RBFOX1: variants seen among roughly 807,000 people sequenced by gnomAD.
RBFOX1 encodes the protein RNA binding fox-1 homolog 1.
Under a neutral mutation model 57.7 loss-of-function variants are expected in RBFOX1, and 8 were observed. The observed-to-expected ratio is 0.14, with a 90% confidence interval of 0.08 to 0.25. The LOEUF (loss-of-function observed/expected upper bound fraction) is 0.25, where lower values mean the gene tolerates loss of function less well. RBFOX1 is among the 10% of genes least tolerant of loss of function. The probability of loss-of-function intolerance (pLI) is 1.00; values close to 1 mark genes in which losing one functional copy is unlikely to be tolerated. For missense variants in RBFOX1, 611 were observed against 548.5 expected (o/e 1.11, Z -1.14); for synonymous variants, 326 against 222.4 (o/e 1.47, Z -4.15).
chr16:6,342,617 G>C (rs1188865874), intron 2 of RBFOX1, among the ~76,000 whole-genome samples: 1 of 152,140 alleles, frequency 6.6e-6, no homozygotes, highest in African/African-American at 2.4e-5. Context: ...ATGTCTATTA[G>C]AGAGTTAGGT....
intron 1 of RBFOX1, among the ~76,000 whole-genome samples, chr16:6,042,480 C>T (rs1036473253): frequency 2.0e-5 from 3 of 152,124 alleles, no homozygotes; most frequent in Non-Finnish European, 2.9e-5. Flanking sequence ...ATCTTTAGGT[C>T]AGCTGCTTAG....
rs569404492 is a variant in RBFOX1, at chr16:5,551,962, A to G, written c.259-46940A>G. 1.4e-4 allele frequency among the ~76,000 whole-genome samples: 21 copies of G among 152,318 alleles called. No homozygotes were observed. In the East Asian group the frequency reaches 4.0e-3, roughly 29 times the overall value. ...AGCTTCATCCGTGTCCCTGCAAAGG[A>G]CATGAACTCATTCTTTTTTATGCTC... On this transcript the variant is annotated intron_variant, in intron 2 of 2. Transcript: ENST00000585867.
rs562445900 is a variant in RBFOX1 at position 6,914,730 on chromosome 16, C to G, written c.-15-137327C>G. 5.3e-5 allele frequency among the ~76,000 whole-genome samples: 8 copies of G among 152,218 alleles called. No homozygotes were observed. In the South Asian group the frequency reaches 6.2e-4, roughly 12 times the overall value. ...CTGTACCAATAAGCTGAAAATTAAC[C>G]TGGCATGGTGGTGTGCACCTGTAGT... On this transcript the variant is annotated intron_variant, in intron 3 of 15. Coordinates refer to ENST00000550418, the MANE Select transcript of RBFOX1 (RefSeq NM_018723.4).
At chr16:7,330,269 T>G (rs1445682098) in intron 4 of RBFOX1, among the ~76,000 whole-genome samples, 1 of 152,130 alleles carries the variant, frequency 6.6e-6, no homozygotes, top group African/African-American at 2.4e-5. Flanking sequence ...TAAATCGTCT[T>G]TAGATTACTT....
At chr16:6,899,022 T>TATAA (rs1488667263) in intron 3 of RBFOX1, among the ~76,000 whole-genome samples, 1 of 140,834 alleles carries the variant, frequency 7.1e-6, no homozygotes, top group African/African-American at 2.9e-5. Flanking sequence ...CGCGTCTCTG[T>TATAA]GTGTGTGTAT....
chr16:7,102,905 G>T (rs56091770), intron 4 of RBFOX1, among the ~76,000 whole-genome samples: 2,556 of 152,148 alleles, frequency 0.017, 75 homozygotes, highest in African/African-American at 0.059. Context: ...CAAGTATATT[G>T]TGAGTATTGG....
At chr16:6,146,611 G>A (rs1237422448) in intron 1 of RBFOX1, among the ~76,000 whole-genome samples, 1 of 152,144 alleles carries the variant, frequency 6.6e-6, no homozygotes, top group Non-Finnish European at 1.5e-5. Context: ...GTTTTCACAA[G>A]TGTAAAATAT....
intron 3 of RBFOX1, among the ~76,000 whole-genome samples, chr16:5,829,316 T>G (rs1450328626): frequency 6.6e-6 from 1 of 151,330 alleles, no homozygotes; most frequent in Non-Finnish European, 1.5e-5. Context: ...AGCAGGGGAG[T>G]CACATGATGA....
At chr16:5,620,879 C>T (rs955915777) in intron 3 of RBFOX1, among the ~76,000 whole-genome samples, 1 of 152,016 alleles carries the variant, frequency 6.6e-6, no homozygotes, top group South Asian at 2.1e-4. Context: ...GTTGCTCTGT[C>T]CCCCAGGCTG....
intron 4 of RBFOX1, among the ~76,000 whole-genome samples, chr16:7,369,038 A>T (rs1446732430): frequency 4.6e-5 from 7 of 152,068 alleles, no homozygotes. Context: ...GATGGTGAAG[A>T]GATAGCATGG....
chr16:7,613,396 G>T (rs368178044), intron 10 of RBFOX1, among the ~76,000 whole-genome samples: 17 of 152,148 alleles, frequency 1.1e-4, no homozygotes, highest in African/African-American at 4.1e-4. Context: ...GAACATCACA[G>T]ACTGTAAAAT....
At chr16:6,858,972 C>T (rs1248463029) in intron 3 of RBFOX1, among the ~76,000 whole-genome samples, 1 of 151,368 alleles carries the variant, frequency 6.6e-6, no homozygotes, top group Non-Finnish European at 1.5e-5. Context: ...GGTAAAAACA[C>T]ATGTACACAT....
chr16:6,153,223 T>C lies in RBFOX1; in HGVS notation c.-127+133231T>C, dbSNP rs1188724108. Among the ~76,000 whole-genome samples the C allele has an allele frequency of 3.3e-5, 5 of 152,170 alleles. No homozygotes were observed. In the East Asian group the frequency reaches 9.7e-4, roughly 29 times the overall value. Reference sequence around the variant, plus strand: ...AAGCAAAAGAAGTTCCAGAACAGAATTAAAACTATGCAGCATTCCTATTTC... The same window carrying C: ...AAGCAAAAGAAGTTCCAGAACAGAACTAAAACTATGCAGCATTCCTATTTC... On this transcript the variant is annotated intron_variant, in intron 1 of 15. Transcript: ENST00000550418.
At chr16:7,515,142 G>A (rs1401960784) in intron 4 of RBFOX1, among the ~76,000 whole-genome samples, 1 of 152,058 alleles carries the variant, frequency 6.6e-6, no homozygotes, top group African/African-American at 2.4e-5. Context: ...CAACATTTCT[G>A]GGGCTTTTCA....
intron 4 of RBFOX1, among the ~76,000 whole-genome samples, chr16:7,132,247 C>T (rs2070679500): frequency 6.6e-6 from 1 of 152,014 alleles, no homozygotes; most frequent in African/African-American, 2.4e-5. Flanking sequence ...TCCCAAAGTG[C>T]TGGGATTACA....
chr16:7,095,463 C>T (rs1406489713), intron 4 of RBFOX1, among the ~76,000 whole-genome samples: 1 of 152,120 alleles, frequency 6.6e-6, no homozygotes, highest in Non-Finnish European at 1.5e-5. Context: ...TAATAGAACT[C>T]ATGACAAAAT....
chr16:5,494,652 T>C (rs368477248), intron 2 of RBFOX1, among the ~76,000 whole-genome samples: 3 of 152,216 alleles, frequency 2.0e-5, no homozygotes, highest in African/African-American at 7.2e-5. Context: ...GAGCCATATA[T>C]GCTTGGCAGT....
At chr16:6,814,968 C>G (rs969643687) in intron 3 of RBFOX1, among the ~76,000 whole-genome samples, 1 of 152,144 alleles carries the variant, frequency 6.6e-6, no homozygotes, top group Non-Finnish European at 1.5e-5. Context: ...GTTCTACAGG[C>G]AGAGCAGTGG....
In RBFOX1 at chr16:7,460,896, C is replaced by G. The variant is rs557415290; in HGVS notation, c.28-57251C>G. Among the ~76,000 whole-genome samples, 6 of 152,172 alleles carry G rather than the reference C, an allele frequency of 3.9e-5. 1 individual carries two copies. In the South Asian group the frequency reaches 1.0e-3, roughly 26 times the overall value. On this transcript the variant is annotated intron_variant, in intron 4 of 15. Coordinates refer to ENST00000550418, the MANE Select transcript of RBFOX1 (RefSeq NM_018723.4). ...ATATTCTGCAAGTTTTACAAGTTCC[C>G]TAGTGATATGAAAATGGCTGGTTCT...
Sources: gnomAD v4.1 joint callset for allele counts (sites outside exome capture counted in the v4.1 genomes callset) on GRCh38, gnomAD v4.1.1 for gene constraint, MANE v1.5 for transcripts, NCBI Gene and HGNC (gene_info 2026-07-23, HGNC 2026-07-21) for gene names.